Variants in EML4 observed in about 807,000 individuals in gnomAD.
The protein encoded by EML4 is EMAP like 4.
In EML4, 72 loss-of-function variants were observed where a neutral mutation model predicts 129.0. The observed-to-expected ratio is 0.56, with a 90% CI of 0.46 to 0.68. EML4 has a LOEUF of 0.68. Among genes scored for constraint, EML4 ranks in the 30% least tolerant of loss-of-function variants. The pLI is 0.00. For synonymous variants in EML4, 532 were observed against 405.0 expected (o/e 1.31, Z -3.77); for missense variants, 1,363 against 1,190.6 (o/e 1.14, Z -2.13).
At chr2:42,290,882 A>G (rs771171300) in intron 11 of EML4, among the ~76,000 whole-genome samples, 6 of 152,254 alleles carry the variant, frequency 3.9e-5, no homozygotes, top group Non-Finnish European at 5.9e-5. Flanking sequence ...CTATATATAC[A>G]TTTAGCAGAG....
intron 13 of EML4, among the ~76,000 whole-genome samples, chr2:42,299,285 G>C (rs940726405): frequency 6.6e-6 from 1 of 152,016 alleles, no homozygotes; most frequent in African/African-American, 2.4e-5. Flanking sequence ...TTTTTTTTAG[G>C]ATACCAAAGC....
At chr2:42,283,077 A>G (rs1667100369) in intron 8 of EML4, 105 bp downstream of exon 8, 1 of 1,087,124 alleles carries the variant, frequency 9.2e-7, no homozygotes, top group Admixed American at 2.6e-5. Context: ...AAAGCTCAGA[A>G]TGTAAAAATA....
In EML4 at chr2:42,300,877, A is replaced by G. The variant is rs995840772; in HGVS notation, c.1490-364A>G. Among the ~76,000 whole-genome samples, 7 of 152,166 alleles carry G rather than the reference A, an allele frequency of 4.6e-5. No individual in the cohort carries two copies. The South Asian group carries it at 1.4e-3, about 31-fold the overall frequency. The stretch of plus-strand genomic sequence containing the variant: ...CTCTTGTGTCTTGAGCTCTCATATC[A>G]GAAGAGTGACACCTACCCTAGCTAC... On this transcript the variant is annotated intron_variant, in intron 13 of 22. Transcript: ENST00000318522.
chr2:42,249,934 A>G (rs894594840), intron 2 of EML4, among the ~76,000 whole-genome samples: 3 of 152,166 alleles, frequency 2.0e-5, no homozygotes, highest in South Asian at 2.1e-4. Context: ...AAAGAAAAAA[A>G]TATTACCTGT....
chr2:42,314,151 G>C (rs1239433123), intron 17 of EML4, among the ~76,000 whole-genome samples: 1 of 152,138 alleles, frequency 6.6e-6, no homozygotes, highest in African/African-American at 2.4e-5. Context: ...CTGAGGTCAG[G>C]AGTTCGAGAC....
chr2:42,322,133 C>G (rs1287421053), intron 19 of EML4, among the ~76,000 whole-genome samples: 1 of 152,108 alleles, frequency 6.6e-6, no homozygotes, highest in East Asian at 1.9e-4. Flanking sequence ...CATCCAGGAA[C>G]AGATTTATGT....
In EML4 at chr2:42,259,799, G is replaced by T. The variant is rs1463596585; in HGVS notation, c.339-1322G>T. On this transcript the variant is annotated intron_variant, in intron 3 of 22. Transcript: ENST00000318522. ...GGCTGGAGTGCAGTGGCGCAATCTC[G>T]GCTCACTGCAAGCTCCGCCTCCTGG... Among the ~76,000 whole-genome samples, 16 of 132,142 alleles carry T rather than the reference G, an allele frequency of 1.2e-4. 1 individual carries two copies. The Admixed American group carries it at 1.4e-3, about 11-fold the overall frequency. The allele number at this position is 132,142 out of a possible 152,430, so 86.7% of individuals were successfully genotyped here. A position where few individuals can be genotyped will look rare whatever the true frequency, so the allele number is the denominator to read the frequency against.
chr2:42,184,777 A>C (rs919492870), intron 1 of EML4, among the ~76,000 whole-genome samples: 2 of 152,168 alleles, frequency 1.3e-5, no homozygotes, highest in Non-Finnish European at 2.9e-5. Flanking sequence ...GATCAATCAT[A>C]TATTTGCCTT....
At chr2:42,170,458 T>C (rs1262129114) in intron 1 of EML4, among the ~76,000 whole-genome samples, 1 of 152,216 alleles carries the variant, frequency 6.6e-6, no homozygotes, top group Non-Finnish European at 1.5e-5. Flanking sequence ...TGGAAGATGT[T>C]GTCTTTGTGG....
At chr2:42,297,887 T>A (rs2103694123) in intron 13 of EML4, among the ~76,000 whole-genome samples, 1 of 152,256 alleles carries the variant, frequency 6.6e-6, no homozygotes, top group Non-Finnish European at 1.5e-5. Context: ...AAAAGTGCTT[T>A]TATATATTTT....
chr2:42,295,603 C>A, intron 13 of EML4, 87 bp downstream of exon 13: 2 of 1,204,392 alleles, frequency 1.7e-6, no homozygotes, highest in Non-Finnish European at 2.3e-6. Flanking sequence ...AGAGAAAGAG[C>A]TGCAGTGTAA....
intron 1 of EML4, among the ~76,000 whole-genome samples, chr2:42,243,612 G>A (rs1675179574): frequency 6.6e-6 from 1 of 152,172 alleles, no homozygotes; most frequent in African/African-American, 2.4e-5. Flanking sequence ...AGAATTTGAA[G>A]TCTAGATTAA....
chr2:42,218,370 A>T (rs1387462225), intron 1 of EML4, among the ~76,000 whole-genome samples: 1 of 152,010 alleles, frequency 6.6e-6, no homozygotes, highest in Non-Finnish European at 1.5e-5. Context: ...TAATTATTTT[A>T]TTATATATTA....
chr2:42,189,833 A>C (rs185655338), intron 1 of EML4, among the ~76,000 whole-genome samples: 1 of 152,174 alleles, frequency 6.6e-6, no homozygotes, highest in Admixed American at 6.5e-5. Flanking sequence ...ATACTGAAGA[A>C]AGAGTGTTTT....
intron 13 of EML4, among the ~76,000 whole-genome samples, 182 bp from the exon 14 acceptor site, chr2:42,301,059 G>A (rs1306603252): frequency 6.6e-6 from 1 of 152,144 alleles, no homozygotes; most frequent in Non-Finnish European, 1.5e-5. Flanking sequence ...GCAAAAGATT[G>A]TATTATACCC....
chr2:42,314,218 G>T (rs1293325342), intron 17 of EML4, among the ~76,000 whole-genome samples: 1 of 152,014 alleles, frequency 6.6e-6, no homozygotes, highest in African/African-American at 2.4e-5. Flanking sequence ...AATTAGCTGG[G>T]TGTGGTGGCG....
At chr2:42,294,187 C>A (rs1667816331) in intron 11 of EML4, among the ~76,000 whole-genome samples, 1 of 152,158 alleles carries the variant, frequency 6.6e-6, no homozygotes, top group South Asian at 2.1e-4. Context: ...CTAGTAATTT[C>A]TTCTTGAGTC....
At position 42,233,427 on chromosome 2, in the gene EML4, T is replaced by G. The variant is rs1572595072; in HGVS notation, c.26-12078T>G. ...TTCACACCATTCTCCTGCCTCAGCCTCCCCAGTAGCTGGGACTATAGGCAC... is the reference window on the plus strand; with the variant it reads ...TTCACACCATTCTCCTGCCTCAGCCGCCCCAGTAGCTGGGACTATAGGCAC... On this transcript the variant is annotated intron_variant, in intron 1 of 22. Transcript: ENST00000318522. Among the ~76,000 whole-genome samples, 3 of 151,472 alleles carry G rather than the reference T, an allele frequency of 2.0e-5. 1 individual carries two copies. In the South Asian group the frequency reaches 6.3e-4, roughly 32 times the overall value.
At chr2:42,237,635 T>C (rs1465090057) in intron 1 of EML4, among the ~76,000 whole-genome samples, 1 of 152,206 alleles carries the variant, frequency 6.6e-6, no homozygotes, top group East Asian at 1.9e-4. Flanking sequence ...TAGCCTACTA[T>C]TGACCAGAAG....
Sources: allele counts gnomAD v4.1 joint callset (sites outside exome capture counted in the v4.1 genomes callset), GRCh38; gene constraint gnomAD v4.1.1; transcripts MANE v1.5; gene names NCBI Gene and HGNC (gene_info 2026-07-23, HGNC 2026-07-21).